DMD: variants seen among roughly 807,000 people sequenced by gnomAD.
DMD encodes the protein dystrophin.
Under a neutral mutation model 330.1 loss-of-function variants are expected in DMD, and 63 were observed. The observed-to-expected ratio is 0.19, with a 90% CI of 0.16 to 0.24. DMD has a LOEUF of 0.24. Among genes scored for constraint, DMD ranks in the 10% least tolerant of loss-of-function variants. The pLI, the probability that DMD is intolerant of heterozygous loss-of-function variation, is 1.00. For synonymous variants in DMD, 1,223 were observed against 959.8 expected (o/e 1.27, Z -5.07); for missense variants, 3,344 against 2,684.1 (o/e 1.25, Z -5.43).
At chrX:31,506,671 T>C (rs1296888185) in intron 56 of DMD, among the ~76,000 whole-genome samples, 1 of 112,062 alleles carries the variant, frequency 8.9e-6, no homozygotes, top group African/African-American at 3.2e-5. Context: ...AGCTGGCACA[T>C]AGAAGGGGGC....
chrX:31,161,903 T>C (rs1334299768), intron 74 of DMD, among the ~76,000 whole-genome samples: 1 of 110,925 alleles, frequency 9.0e-6, no homozygotes, highest in African/African-American at 3.3e-5. Context: ...TGCCCTCTTA[T>C]TCTCCTCATT....
rs1603374825 is a variant in DMD at position 33,164,037 on chromosome X, T to C, written c.31+47245A>G. On this transcript the variant is annotated intron_variant, in intron 1 of 78. Coordinates refer to ENST00000357033, the MANE Select transcript of DMD (RefSeq NM_004006.3). ...TAGATATTTTTTCTGCTTATTTATA[T>C]ATATTAAATAGATTTTTAGGCAGTA... 2.7e-5 allele frequency among the ~76,000 whole-genome samples: 3 copies of C among 111,861 alleles called. 1 individual carries two copies. In the Admixed American group the frequency reaches 2.9e-4, roughly 11 times the overall value.
At chrX:32,635,986 T>A (rs1410819040) in intron 11 of DMD, among the ~76,000 whole-genome samples, 1 of 112,043 alleles carries the variant, frequency 8.9e-6, no homozygotes, top group Non-Finnish European at 1.9e-5. Context: ...TAACTAGATC[T>A]GCTTTCCTCC....
At chrX:32,503,703 G>GAC (rs2044312273) in intron 18 of DMD, among the ~76,000 whole-genome samples, 3 of 110,071 alleles carry the variant, frequency 2.7e-5, no homozygotes, top group African/African-American at 9.9e-5. Flanking sequence ...TTACAGGCGT[G>GAC]CACCACCACG....
At chrX:31,743,199 A>C (rs748672849) in intron 51 of DMD, among the ~76,000 whole-genome samples, 6 of 112,442 alleles carry the variant, frequency 5.3e-5, no homozygotes, top group Admixed American at 1.9e-4. Flanking sequence ...AAAAAATGAC[A>C]GATGCTGCTG....
At chrX:31,824,344 A>T (rs987403997) in intron 49 of DMD, among the ~76,000 whole-genome samples, 2 of 110,400 alleles carry the variant, frequency 1.8e-5, no homozygotes, top group Non-Finnish European at 3.8e-5. Flanking sequence ...GCTCACTGCA[A>T]CCTTTGCCTC....
chrX:32,844,904 C>G, intron 3 of DMD, 44 bp from the exon 4 acceptor site: 1 of 1,004,471 alleles, frequency 1.0e-6, no homozygotes. Flanking sequence ...GCAGAGAGAC[C>G]GACAATCTAC....
chrX:32,366,750 T>C (rs779320111), intron 34 of DMD, among the ~76,000 whole-genome samples: 2 of 112,157 alleles, frequency 1.8e-5, no homozygotes, highest in East Asian at 5.6e-4. Context: ...TACTTTCTGT[T>C]TTGGTTTTGC....
chrX:32,604,836 C>T (rs910492180), intron 12 of DMD, among the ~76,000 whole-genome samples: 4 of 108,021 alleles, frequency 3.7e-5, no homozygotes, highest in South Asian at 3.9e-4. Flanking sequence ...CTAGGAATGC[C>T]TTTAAACAAA....
At chrX:31,952,662 T>G (rs1316269570) in intron 45 of DMD, among the ~76,000 whole-genome samples, 1 of 111,830 alleles carries the variant, frequency 8.9e-6, no homozygotes. Flanking sequence ...AAGGTATTTA[T>G]AGTAGGAGCC....
chrX:31,195,262 A>G (rs776529191), intron 67 of DMD, among the ~76,000 whole-genome samples: 43 of 111,684 alleles, frequency 3.9e-4, no homozygotes, highest in Admixed American at 1.4e-3. Flanking sequence ...TCCATGTTCA[A>G]GGACAACTGT....
intron 60 of DMD, among the ~76,000 whole-genome samples, chrX:31,395,372 A>G (rs2060873917): frequency 8.9e-6 from 1 of 112,286 alleles, no homozygotes; most frequent in Non-Finnish European, 1.9e-5. Context: ...TATCTTTTAA[A>G]TAAAGAGCCC....
At chrX:31,730,981 C>G (rs2086462060) in intron 51 of DMD, among the ~76,000 whole-genome samples, 2 of 111,760 alleles carry the variant, frequency 1.8e-5, no homozygotes, top group Admixed American at 9.5e-5. Flanking sequence ...AAATTTTGAT[C>G]ATTCTGTAGT....
At chrX:33,255,297 T>C (rs916832084) in intron 1 of DMD, among the ~76,000 whole-genome samples, 1 of 111,098 alleles carries the variant, frequency 9.0e-6, no homozygotes, top group African/African-American at 3.2e-5. Context: ...TATTATATCA[T>C]TGGAGTTAAA....
At chrX:32,448,353 A>G (rs1337178497) in intron 27 of DMD, 103 bp downstream of exon 27, 5 of 955,334 alleles carry the variant, frequency 5.2e-6, no homozygotes, top group Non-Finnish European at 7.4e-6. Flanking sequence ...GAGGAATTCA[A>G]GCCAAAGTTG....
intron 43 of DMD, among the ~76,000 whole-genome samples, chrX:32,252,487 G>A (rs1382171065): frequency 5.8e-5 from 6 of 103,172 alleles, no homozygotes. Context: ...TTTCTGTAGA[G>A]TTTTTGAGAC....
At chrX:32,684,030 C>T (rs1201144217) in intron 9 of DMD, among the ~76,000 whole-genome samples, 2 of 99,808 alleles carry the variant, frequency 2.0e-5, no homozygotes, top group African/African-American at 4.5e-5. Flanking sequence ...CACACACACA[C>T]ACACACACAC....
At chrX:32,293,534 C>T (rs1344061850) in intron 42 of DMD, among the ~76,000 whole-genome samples, 4 of 111,643 alleles carry the variant, frequency 3.6e-5, no homozygotes, top group African/African-American at 1.3e-4. Flanking sequence ...GCAACAACAG[C>T]ATGTTGGAAG....
At chrX:33,335,304 T>A (rs1408742627) in intron 1 of DMD, among the ~76,000 whole-genome samples, 1 of 108,828 alleles carries the variant, frequency 9.2e-6, no homozygotes, top group Non-Finnish European at 1.9e-5. Context: ...ATCATATATA[T>A]CCTTCTAAAA....
Sources: allele counts gnomAD v4.1 joint callset (sites outside exome capture counted in the v4.1 genomes callset), GRCh38; gene constraint gnomAD v4.1.1; transcripts MANE v1.5; gene names NCBI Gene and HGNC (gene_info 2026-07-23, HGNC 2026-07-21).